The following ARHGAP31 variants were observed in gnomAD, a reference collection of about 807,000 sequenced individuals.
ARHGAP31 encodes the protein Rho GTPase activating protein 31.
Under a neutral mutation model 113.9 loss-of-function variants are expected in ARHGAP31, and 34 were observed. That is an observed-to-expected ratio of 0.30 (90% confidence interval 0.23 to 0.40). The LOEUF is 0.40. ARHGAP31 is among the 10% of genes least tolerant of loss of function. The pLI is 1.00. For missense variants in ARHGAP31, 1,548 were observed against 1,767.1 expected (o/e 0.88, Z 2.22); for synonymous variants, 650 against 684.8 (o/e 0.95, Z 0.79).
intron 7 of ARHGAP31, 127 bp downstream of exon 7, chr3:119,391,110 G>A (rs2080500296): frequency 3.8e-6 from 4 of 1,049,378 alleles, no homozygotes; most frequent in Non-Finnish European, 5.7e-6. Flanking sequence ...TGGGGTTTAA[G>A]GAAACATTCC....
intron 1 of ARHGAP31, among the ~76,000 whole-genome samples, chr3:119,355,183 G>A (rs2080144585): frequency 6.6e-6 from 1 of 152,188 alleles, no homozygotes; most frequent in Admixed American, 6.5e-5. Context: ...TCCCAACTCT[G>A]GCACTTCCTA....
At chr3:119,410,579 G>A (rs898203760) in intron 11 of ARHGAP31, among the ~76,000 whole-genome samples, 5 of 152,218 alleles carry the variant, frequency 3.3e-5, no homozygotes, top group African/African-American at 1.2e-4. Context: ...GGCATTTGTT[G>A]AAGGGGAAAG....
At chr3:119,346,990 G>A (rs1389770660) in intron 1 of ARHGAP31, among the ~76,000 whole-genome samples, 1 of 152,216 alleles carries the variant, frequency 6.6e-6, no homozygotes, top group Non-Finnish European at 1.5e-5. Context: ...AGCAGGGATA[G>A]AGTATGGAGT....
chr3:119,343,165 A>G (rs2080024472), intron 1 of ARHGAP31, among the ~76,000 whole-genome samples: 1 of 152,214 alleles, frequency 6.6e-6, no homozygotes, highest in Non-Finnish European at 1.5e-5. Flanking sequence ...ACATTCAATC[A>G]TGCATTCATC....
intron 6 of ARHGAP31, among the ~76,000 whole-genome samples, chr3:119,387,716 A>G (rs2080465307): frequency 2.0e-5 from 3 of 152,218 alleles, no homozygotes; most frequent in Admixed American, 1.3e-4. Flanking sequence ...AATATCTCCT[A>G]TGAACTAGGT....
chr3:119,336,121 G>A (rs1332315834), intron 1 of ARHGAP31, among the ~76,000 whole-genome samples: 1 of 152,206 alleles, frequency 6.6e-6, no homozygotes, highest in Non-Finnish European at 1.5e-5. Context: ...GTAGCAGTGA[G>A]CCAAGTTCAC....
intron 11 of ARHGAP31, among the ~76,000 whole-genome samples, chr3:119,412,162 G>A (rs1249479264): frequency 8.5e-5 from 13 of 152,120 alleles, no homozygotes; most frequent in Non-Finnish European, 1.8e-4. Context: ...GTTGAGGCGG[G>A]CGGATCACCT....
intron 1 of ARHGAP31, among the ~76,000 whole-genome samples, chr3:119,298,507 G>A (rs1471116174): frequency 1.3e-5 from 2 of 152,126 alleles, no homozygotes; most frequent in African/African-American, 4.8e-5. Flanking sequence ...GATGGTTGGG[G>A]CCAGGAGCCA....
At chr3:119,310,588 G>A (rs746489670) in intron 1 of ARHGAP31, among the ~76,000 whole-genome samples, 30 of 152,340 alleles carry the variant, frequency 2.0e-4, no homozygotes, top group Non-Finnish European at 4.1e-4. Flanking sequence ...AACTGCGCAC[G>A]AGGGATTTAG....
chr3:119,312,095 G>A (rs1008595242), intron 1 of ARHGAP31, among the ~76,000 whole-genome samples: 2 of 152,258 alleles, frequency 1.3e-5, no homozygotes, highest in Non-Finnish European at 1.5e-5. Context: ...AAAGAGAGTG[G>A]TGAAGACAAA....
At chr3:119,351,307 A>G (rs1487215618) in intron 1 of ARHGAP31, among the ~76,000 whole-genome samples, 1 of 152,210 alleles carries the variant, frequency 6.6e-6, no homozygotes, top group Non-Finnish European at 1.5e-5. Flanking sequence ...TTAGTTGTGA[A>G]GTCAGTCTCT....
intron 8 of ARHGAP31, among the ~76,000 whole-genome samples, chr3:119,395,410 C>G (rs1163317175): frequency 1.3e-5 from 2 of 152,296 alleles, no homozygotes; most frequent in East Asian, 1.9e-4. Flanking sequence ...TACAGGGGCT[C>G]TGTCATGATT....
chr3:119,343,006 C>T (rs954421945), intron 1 of ARHGAP31, among the ~76,000 whole-genome samples: 3 of 151,910 alleles, frequency 2.0e-5, no homozygotes, highest in African/African-American at 7.2e-5. Context: ...AATTAGCATC[C>T]ATGAACTATT....
chr3:119,369,141 A>G (rs1256118391), intron 3 of ARHGAP31, among the ~76,000 whole-genome samples: 7 of 152,202 alleles, frequency 4.6e-5, no homozygotes, highest in African/African-American at 1.7e-4. Context: ...CACCCATAGG[A>G]AAGTAGAAAG....
chr3:119,319,007 T>C (rs149652639), intron 1 of ARHGAP31, among the ~76,000 whole-genome samples: 247 of 152,080 alleles, frequency 1.6e-3, no homozygotes, highest in African/African-American at 5.8e-3. Context: ...GCTGGTCTAG[T>C]CTATCTTGGG....
rs189808533 is a variant in ARHGAP31, at chr3:119,348,318, C to T, written c.101-16998C>T. ...AATAAAGGTAATGTGCTTCAATCAT[C>T]GCAAAACCATCCCCCTGACCCTGGT... is the stretch of plus-strand genomic sequence containing the variant. On this transcript the variant is annotated intron_variant, in intron 1 of 11. Coordinates refer to ENST00000264245, the MANE Select transcript of ARHGAP31 (RefSeq NM_020754.4). Among the ~76,000 whole-genome samples, 252 of 152,314 alleles carry T rather than the reference C, an allele frequency of 1.7e-3. 1 individual carries two copies. Among genetic ancestry groups the T allele is most frequent in the African/African-American group, 4.9e-3 (202 of 41,568 alleles).
intron 1 of ARHGAP31, among the ~76,000 whole-genome samples, chr3:119,319,818 A>T (rs2079766540): frequency 1.3e-5 from 2 of 152,194 alleles, no homozygotes; most frequent in African/African-American, 4.8e-5. Context: ...CCAGTGTCTG[A>T]CCCTCAACCT....
At chr3:119,312,227 C>CA (rs1188425726) in intron 1 of ARHGAP31, among the ~76,000 whole-genome samples, 1 of 152,202 alleles carries the variant, frequency 6.6e-6, no homozygotes, top group East Asian at 1.9e-4. Flanking sequence ...GGACCCCCAT[C>CA]AGGGAATAAA....
At chr3:119,379,196 C>T (rs2080374694) in intron 3 of ARHGAP31, among the ~76,000 whole-genome samples, 2 of 152,238 alleles carry the variant, frequency 1.3e-5, no homozygotes, top group African/African-American at 4.8e-5. Flanking sequence ...CACGTCCCAG[C>T]ACTCACAGAG....
Sources: gnomAD v4.1 joint callset for allele counts (sites outside exome capture counted in the v4.1 genomes callset) on GRCh38, gnomAD v4.1.1 for gene constraint, MANE v1.5 for transcripts, NCBI Gene and HGNC (gene_info 2026-07-23, HGNC 2026-07-21) for gene names.